GAS2: variants seen among roughly 807,000 people sequenced by gnomAD.
The protein encoded by GAS2 is growth arrest specific 2.
A neutral mutation model predicts 37.5 loss-of-function variants in GAS2; 20 were observed. That is an observed-to-expected ratio of 0.53 (90% CI 0.37 to 0.77). The LOEUF (loss-of-function observed/expected upper bound fraction) is 0.77, where lower values mean the gene tolerates loss of function less well. Among genes scored for constraint, GAS2 ranks in the 30% least tolerant of loss-of-function variants. The pLI is 0.00. For missense variants in GAS2, 336 were observed against 373.4 expected (o/e 0.90, Z 0.82); for synonymous variants, 144 against 132.2 (o/e 1.09, Z -0.61).
At position 22,758,913 on chromosome 11, in the gene GAS2, C is replaced by CAAAAAAAAAAAAAAAA. The variant is rs66871964; in HGVS notation, c.723+2974_723+2975insAAAAAAAAAAAAAAAA. 1.1e-4 allele frequency among the ~76,000 whole-genome samples: 8 copies of CAAAAAAAAAAAAAAAA among 73,296 alleles called. 2 individuals are homozygous for CAAAAAAAAAAAAAAAA. The highest frequency in any genetic ancestry group is 5.0e-4 in the East Asian group (1 of 2,010). The allele number at this position is 73,296 out of a possible 152,430, so 48.1% of individuals were successfully genotyped here. On this transcript the variant is annotated intron_variant, in intron 7 of 7. Transcript: ENST00000454584. ...GGACAACAAGAGCAAAACTCCGTCT[C>CAAAAAAAAAAAAAAAA]AAAAAAAAAAAAAAGAGAAAGTCAT...
At position 22,649,630 on chromosome 11, in the gene GAS2, C is replaced by T. The variant is rs184337031; in HGVS notation, c.-21+23817C>T. Reference sequence around the variant, plus strand: ...GATCTATTCAGAGATTCAACTTCTTCCTGGTTTAGTCTTGGGAGAGCGTAT... The same window carrying T: ...GATCTATTCAGAGATTCAACTTCTTTCTGGTTTAGTCTTGGGAGAGCGTAT... On this transcript the variant is annotated intron_variant, in intron 1 of 5. Transcript: ENST00000528582. 7.2e-3 allele frequency among the ~76,000 whole-genome samples: 1,092 copies of T among 152,302 alleles called. 11 individuals are homozygous for T. The highest frequency in any genetic ancestry group is 0.025 in the African/African-American group (1,030 of 41,556).
chr11:22,678,885 T>C lies in GAS2; in HGVS notation c.145+3871T>C, dbSNP rs187734911. ...TGTCATTTCCAGGAAATATACTTACTTAATCATTAATAATAATAAATATCA... is the reference window on the plus strand; with the variant it reads ...TGTCATTTCCAGGAAATATACTTACCTAATCATTAATAATAATAAATATCA... On this transcript the variant is annotated intron_variant, in intron 2 of 7. Coordinates refer to ENST00000454584, the MANE Select transcript of GAS2 (RefSeq NM_001143830.3). Among the ~76,000 whole-genome samples, 1,494 of 152,134 alleles carry C rather than the reference T, an allele frequency of 9.8e-3. 24 individuals are homozygous for C. Among genetic ancestry groups the C allele is most frequent in the African/African-American group, 0.034 (1,432 of 41,540 alleles).
chr11:22,630,242 C>G (rs2133804020), intron 1 of GAS2, among the ~76,000 whole-genome samples: 1 of 152,268 alleles, frequency 6.6e-6, no homozygotes, highest in East Asian at 1.9e-4. Context: ...GTTCCCCTTC[C>G]TGTGTCCAAG....
At chr11:22,760,569 T>A (rs1564875637) in intron 7 of GAS2, among the ~76,000 whole-genome samples, 2 of 152,218 alleles carry the variant, frequency 1.3e-5, no homozygotes, top group Non-Finnish European at 2.9e-5. Flanking sequence ...AGTCAGGTGC[T>A]AAAAATGATC....
chr11:22,794,141 C>G (rs1206408000), intron 7 of GAS2, among the ~76,000 whole-genome samples: 2 of 148,262 alleles, frequency 1.3e-5, no homozygotes, highest in East Asian at 3.9e-4. Context: ...AAAACATTTT[C>G]TTATGTAGAT....
intron 5 of GAS2, among the ~76,000 whole-genome samples, chr11:22,746,175 A>G (rs1401616898): frequency 6.6e-6 from 1 of 152,042 alleles, no homozygotes; most frequent in Non-Finnish European, 1.5e-5. Context: ...GAGCAAGATC[A>G]TGTCTCAAAA....
intron 1 of GAS2, among the ~76,000 whole-genome samples, chr11:22,649,426 C>A (rs1162140326): frequency 2.0e-5 from 3 of 152,072 alleles, no homozygotes; most frequent in African/African-American, 7.2e-5. Flanking sequence ...ATGATGCTGG[C>A]CTCATAAAAT....
intron 3 of GAS2, among the ~76,000 whole-genome samples, chr11:22,701,033 G>A (rs1431272805): frequency 6.6e-6 from 1 of 152,038 alleles, no homozygotes; most frequent in African/African-American, 2.4e-5. Context: ...TTTTCTATCA[G>A]AGCAGCTAAT....
chr11:22,772,449 T>C (rs1465888941), intron 7 of GAS2, among the ~76,000 whole-genome samples: 2 of 152,228 alleles, frequency 1.3e-5, no homozygotes, highest in Non-Finnish European at 2.9e-5. Context: ...TGTTTTACTT[T>C]TCATCAGTAT....
At chr11:22,772,471 G>C (rs1267030826) in intron 7 of GAS2, among the ~76,000 whole-genome samples, 1 of 152,078 alleles carries the variant, frequency 6.6e-6, no homozygotes, top group South Asian at 2.1e-4. Context: ...TTTTAAAGGG[G>C]TGTGTGTATT....
chr11:22,664,007 G>T (rs1475064770), upstream of GAS2, among the ~76,000 whole-genome samples: 6 of 152,088 alleles, frequency 3.9e-5, no homozygotes, highest in East Asian at 1.2e-3. Context: ...ATGTCTTCAT[G>T]TATTTTTTAA....
chr11:22,765,058 G>A (rs11026777), intron 7 of GAS2, among the ~76,000 whole-genome samples: 10 of 152,114 alleles, frequency 6.6e-5, no homozygotes, highest in Non-Finnish European at 1.5e-4. Flanking sequence ...GTCAAATGAC[G>A]TCATTGAAAA....
At chr11:22,680,159 G>T (rs1257748287) in intron 2 of GAS2, among the ~76,000 whole-genome samples, 2 of 151,996 alleles carry the variant, frequency 1.3e-5, no homozygotes, top group East Asian at 3.9e-4. Context: ...ATTCTGCAGG[G>T]TTCTCACATT....
At chr11:22,662,692 C>A (rs771911355), upstream of GAS2, among the ~76,000 whole-genome samples, 15 of 151,722 alleles carry the variant, frequency 9.9e-5, no homozygotes, top group Non-Finnish European at 2.2e-4. Context: ...AGACAACAGA[C>A]GTCACACCAC....
At chr11:22,643,458 G>T (rs201077138) in intron 1 of GAS2, among the ~76,000 whole-genome samples, 4 of 113,964 alleles carry the variant, frequency 3.5e-5, no homozygotes, top group Admixed American at 9.0e-5. Flanking sequence ...CATCTGTTTT[G>T]AAAAAAAAAA....
chr11:22,731,697 T>A (rs1852485635), intron 4 of GAS2, among the ~76,000 whole-genome samples: 1 of 151,830 alleles, frequency 6.6e-6, no homozygotes, highest in Non-Finnish European at 1.5e-5. Context: ...TATGCCTGCC[T>A]TTAAGTGTTT....
chr11:22,700,527 G>T (rs1225966412), intron 3 of GAS2, among the ~76,000 whole-genome samples: 2 of 152,154 alleles, frequency 1.3e-5, no homozygotes, highest in African/African-American at 4.8e-5. Context: ...ACAAGAGATT[G>T]GCTGAAGTAA....
intron 7 of GAS2, among the ~76,000 whole-genome samples, chr11:22,810,042 G>T (rs1364002435): frequency 6.6e-6 from 1 of 152,164 alleles, no homozygotes; most frequent in Non-Finnish European, 1.5e-5. Context: ...GTTCTGTCTA[G>T]GTCCTGCTGC....
intron 1 of GAS2, among the ~76,000 whole-genome samples, chr11:22,649,151 C>G (rs935919547): frequency 2.0e-5 from 3 of 151,118 alleles, no homozygotes; most frequent in East Asian, 1.9e-4. Flanking sequence ...TGTCAAAGGC[C>G]TTTTCTGCAT....
Sources: gnomAD v4.1 joint callset for allele counts (sites outside exome capture counted in the v4.1 genomes callset) on GRCh38, gnomAD v4.1.1 for gene constraint, MANE v1.5 for transcripts, NCBI Gene and HGNC (gene_info 2026-07-23, HGNC 2026-07-21) for gene names.